Variants in DNAH7 observed in about 807,000 individuals in gnomAD.
DNAH7 encodes dynein axonemal heavy chain 7.
Under a neutral mutation model 444.6 loss-of-function variants are expected in DNAH7, and 397 were observed. That is an observed-to-expected ratio of 0.89 (90% CI 0.82 to 0.97). The LOEUF (loss-of-function observed/expected upper bound fraction) is 0.97. DNAH7 is among the 50% of genes least tolerant of loss of function. DNAH7 has a pLI of 0.00. For missense variants in DNAH7, 4,902 were observed against 4,800.8 expected (o/e 1.02, Z -0.62); for synonymous variants, 1,636 against 1,624.4 (o/e 1.01, Z -0.17).
chr2:195,861,576 G>T, intron 42 of DNAH7, 141 bp downstream of exon 42: 1 of 668,206 alleles, frequency 1.5e-6, no homozygotes, highest in Non-Finnish European at 2.5e-6. Context: ...AAATGTCTGT[G>T]GATTAAATAA....
At chr2:195,922,958 G>T (rs1461531484) in intron 23 of DNAH7, among the ~76,000 whole-genome samples, 1 of 151,972 alleles carries the variant, frequency 6.6e-6, no homozygotes, top group South Asian at 2.1e-4. Flanking sequence ...GCCTCCTGGG[G>T]TTCAAGCAAT....
At chr2:195,930,231 C>T (rs1688602204) in intron 21 of DNAH7, among the ~76,000 whole-genome samples, 1 of 152,208 alleles carries the variant, frequency 6.6e-6, no homozygotes, top group Admixed American at 6.5e-5. Context: ...TAGTACCAGC[C>T]ACTCAGGAGC....
At chr2:195,970,501 T>C (rs1427653201) in intron 16 of DNAH7, among the ~76,000 whole-genome samples, 4 of 152,128 alleles carry the variant, frequency 2.6e-5, no homozygotes, top group African/African-American at 9.7e-5. Context: ...TTTTATAAAC[T>C]GAAAAAAACG....
chr2:196,034,018 T>A (rs1696227161), intron 5 of DNAH7, among the ~76,000 whole-genome samples: 1 of 152,146 alleles, frequency 6.6e-6, no homozygotes, highest in South Asian at 2.1e-4. Flanking sequence ...AGAATTCCAC[T>A]CTCACCAATT....
chr2:195,956,757 C>T (rs1690691822), intron 19 of DNAH7, among the ~76,000 whole-genome samples: 1 of 152,056 alleles, frequency 6.6e-6, no homozygotes, highest in Non-Finnish European at 1.5e-5. Flanking sequence ...TTCTCCTCCA[C>T]AGTATTTGTG....
At chr2:196,065,090 T>C (rs936057712) in intron 1 of DNAH7, among the ~76,000 whole-genome samples, 2 of 152,178 alleles carry the variant, frequency 1.3e-5, no homozygotes, top group African/African-American at 4.8e-5. Flanking sequence ...TTGATATCTG[T>C]AGGGCAATTC....
chr2:195,844,859 G>A lies in DNAH7; in HGVS notation c.8945+143C>T, dbSNP rs915866854. ...ATTATAATATTAATAAGAGAAGGAAGTGATTACTCATACTTAATTTCACTA... is the reference window on the plus strand; with the variant it reads ...ATTATAATATTAATAAGAGAAGGAAATGATTACTCATACTTAATTTCACTA... On this transcript the variant is annotated intron_variant, in intron 47 of 64. Transcript: ENST00000312428. 7.8e-6 allele frequency: 5 copies of A among 639,366 alleles called. No homozygotes were observed. In the African/African-American group the frequency reaches 9.2e-5, roughly 12 times the overall value. 39.6% of individuals were successfully genotyped at this position (639,366 alleles called of 1,614,324 possible).
At chr2:195,964,186 T>C (rs562667044) in intron 17 of DNAH7, among the ~76,000 whole-genome samples, 1 of 152,348 alleles carries the variant, frequency 6.6e-6, no homozygotes, top group South Asian at 2.1e-4. Context: ...GTGAGGAATC[T>C]CATTGGCATT....
chr2:195,950,133 A>G (rs979583439), intron 19 of DNAH7, among the ~76,000 whole-genome samples: 5 of 152,128 alleles, frequency 3.3e-5, no homozygotes, highest in Non-Finnish European at 7.4e-5. Flanking sequence ...GTTAGGGAGG[A>G]GTCCCTCTCT....
At chr2:195,971,440 C>T (rs1230831147) in intron 16 of DNAH7, among the ~76,000 whole-genome samples, 1 of 152,144 alleles carries the variant, frequency 6.6e-6, no homozygotes, top group African/African-American at 2.4e-5. Context: ...AGGAGGCAGA[C>T]TTACAAACAC....
At chr2:195,764,269 C>CCACA (rs1431357673) in intron 61 of DNAH7, among the ~76,000 whole-genome samples, 4 of 151,718 alleles carry the variant, frequency 2.6e-5, no homozygotes, top group African/African-American at 9.7e-5. Context: ...TATGACAGAC[C>CCACA]CACAGCTAGT....
chr2:195,928,347 T>C (rs1430189468), intron 21 of DNAH7, among the ~76,000 whole-genome samples: 1 of 152,132 alleles, frequency 6.6e-6, no homozygotes, highest in South Asian at 2.1e-4. Flanking sequence ...TCCAAGTACT[T>C]TGACAATCAA....
rs746263025 is a variant in DNAH7 at position 195,984,664 on chromosome 2, G to A, written c.1801C>T (p.Pro601Ser). 7 of 1,613,822 alleles carry A rather than the reference G, an allele frequency of 4.3e-6. No homozygotes were observed. In the African/African-American group the frequency reaches 5.3e-5, roughly 12 times the overall value. ...ERIAEKALST[P>S]PNTAELMEMK... ...TCCATTAGTTCTGCTGTATTTGGAG[G>A]AGTGCTAAGAGCTTTTTCAGCTATC... Residue 601 changes from proline to serine, a missense_variant, in exon 15 of 65, where the codon CCT becomes TCT. By Grantham distance (74) the Pro-to-Ser change is moderately conservative. Coordinates refer to ENST00000312428, the MANE Select transcript of DNAH7 (RefSeq NM_018897.3).
chr2:195,912,114 C>G (rs545868248), intron 24 of DNAH7, among the ~76,000 whole-genome samples: 13 of 152,060 alleles, frequency 8.5e-5, no homozygotes, highest in Non-Finnish European at 1.9e-4. Context: ...GATAAGAAGA[C>G]CGTAAGTGAG....
At chr2:195,746,510 C>T (rs550595871) in intron 63 of DNAH7, among the ~76,000 whole-genome samples, 2 of 152,298 alleles carry the variant, frequency 1.3e-5, no homozygotes, top group Admixed American at 6.5e-5. Context: ...TAGACATCTA[C>T]AGAACTCTCC....
At chr2:195,964,662 C>T (rs1236900863) in intron 17 of DNAH7, among the ~76,000 whole-genome samples, 2 of 144,318 alleles carry the variant, frequency 1.4e-5, no homozygotes, top group African/African-American at 5.2e-5. Flanking sequence ...GTCAGGAGTT[C>T]GAGACCAGCC....
chr2:195,946,732 T>G (rs1340133656), intron 19 of DNAH7, among the ~76,000 whole-genome samples: 1 of 152,030 alleles, frequency 6.6e-6, no homozygotes, highest in East Asian at 1.9e-4. Context: ...CCTCCCTTCC[T>G]CCTTCTCTTC....
At chr2:195,964,098 T>C (rs373117784) in intron 17 of DNAH7, among the ~76,000 whole-genome samples, 17 of 152,346 alleles carry the variant, frequency 1.1e-4, no homozygotes, top group East Asian at 3.9e-4. Flanking sequence ...TCTAAGGTTT[T>C]TGTAGTTCCA....
intron 9 of DNAH7, among the ~76,000 whole-genome samples, chr2:196,018,031 T>C (rs1008315403): frequency 6.6e-6 from 1 of 152,140 alleles, no homozygotes; most frequent in Non-Finnish European, 1.5e-5. Flanking sequence ...TTAGCAGTTG[T>C]TTGATTTGTT....
Sources: gnomAD v4.1 joint callset for allele counts (sites outside exome capture counted in the v4.1 genomes callset) on GRCh38, gnomAD v4.1.1 for gene constraint, MANE v1.5 for transcripts, NCBI Gene and HGNC (gene_info 2026-07-23, HGNC 2026-07-21) for gene names.